ZC3H11A: variants seen among roughly 807,000 people sequenced by gnomAD.
ZC3H11A encodes the protein zinc finger CCCH domain-containing protein 11A.
Under a neutral mutation model 90.8 loss-of-function variants are expected in ZC3H11A, and 22 were observed. The ratio of observed to expected loss-of-function variants is 0.24; its 90% CI spans 0.17 to 0.35. ZC3H11A has a LOEUF of 0.35. Among genes scored for constraint, ZC3H11A ranks in the 10% least tolerant of loss-of-function variants. The pLI is 1.00. For missense variants in ZC3H11A, 701 were observed against 964.9 expected (o/e 0.73, Z 3.62); for synonymous variants, 294 against 339.8 (o/e 0.87, Z 1.48).
chr1:203,832,451 C>T (rs545192017), intron 9 of ZC3H11A, among the ~76,000 whole-genome samples: 2 of 152,164 alleles, frequency 1.3e-5, no homozygotes, highest in East Asian at 1.9e-4. Flanking sequence ...ACCTCCGCCT[C>T]CCAGGTTCAA....
At chr1:203,809,375 C>T (rs1274839102) in intron 2 of ZC3H11A, among the ~76,000 whole-genome samples, 1 of 151,488 alleles carries the variant, frequency 6.6e-6, no homozygotes, top group Non-Finnish European at 1.5e-5. Context: ...CGGTGTTTCA[C>T]CATATTGGCC....
chr1:203,799,247 T>C, intron 1 of ZC3H11A: 2 of 828,954 alleles, frequency 2.4e-6, no homozygotes, highest in Admixed American at 2.0e-5. Flanking sequence ...CAATCAAAGA[T>C]GGTGGTTTTA....
At chr1:203,798,924 A>T (rs1236947897) in intron 1 of ZC3H11A, 7 of 1,535,868 alleles carry the variant, frequency 4.6e-6, no homozygotes, top group Non-Finnish European at 6.1e-6. Flanking sequence ...CAGAGAAAAA[A>T]TTTTCTTAAC....
intron 2 of ZC3H11A, chr1:203,806,134 T>C (rs1672257145): frequency 5.9e-6 from 3 of 505,300 alleles, no homozygotes; most frequent in South Asian, 4.5e-5. Flanking sequence ...CTGGTCCTTA[T>C]ACTTCACTAG....
At chr1:203,799,849 A>C (rs762909470) in intron 1 of ZC3H11A, 1 of 1,530,696 alleles carries the variant, frequency 6.5e-7, no homozygotes, top group South Asian at 1.2e-5. Flanking sequence ...TGCTTTAAAA[A>C]CAGTTTGGAA....
intron 12 of ZC3H11A, among the ~76,000 whole-genome samples, chr1:203,846,115 C>CAA (rs34793133): frequency 0.033 from 1,738 of 53,070 alleles, 48 homozygotes; most frequent in African/African-American, 0.11. Context: ...TCGTCTTTAC[C>CAA]AAAAAAAAAA....
In ZC3H11A at chr1:203,833,800, C is replaced by G. The variant is rs1467208575; in HGVS notation, c.821C>G (p.Pro274Arg). 1.9e-6 allele frequency: 3 copies of G among 1,605,770 alleles called. No individual in the cohort carries two copies. The highest frequency in any genetic ancestry group is 2.2e-5 in the South Asian group (2 of 89,274). Residue 274 changes from proline to arginine, a missense_variant, in exon 10 of 18, where the codon CCC becomes CGC. Pro to Arg is a moderately radical substitution (Grantham distance 103, BLOSUM62 -2). Transcript: ENST00000367210. ...VTLSTKQGEE[P>R]LVRLSLTERL... is the part of the protein sequence containing the mutation. ...GCTTTTGCCATTTCAGGAGAAGAAC[C>G]CTTGGTTAGATTGAGTCTTACTGAG...
Position 203,844,181 on chromosome 1 carries a change from T to G in ZC3H11A, c.1043-3003T>G, listed in dbSNP as rs571799748. 1.8e-4 allele frequency among the ~76,000 whole-genome samples: 27 copies of G among 150,230 alleles called. No homozygotes were observed. In the East Asian group the frequency reaches 5.4e-3, roughly 30 times the overall value. On this transcript the variant is annotated intron_variant, in intron 12 of 17. Coordinates refer to ENST00000367210, the MANE Select transcript of ZC3H11A (RefSeq NM_001376342.1). ...TTTATTTTTTATTTTTATTTTTGTT[T>G]GAGACAGAGTCTCACTCTCATCCAG...
In ZC3H11A at chr1:203,852,621, T is replaced by G; in HGVS notation, c.*222T>G. The G allele has an allele frequency of 1.8e-6, 1 of 563,256 alleles. No individual in the cohort carries two copies. The allele number at this position is 563,256 out of a possible 1,614,324, so 34.9% of individuals were successfully genotyped here. Reference sequence around the variant, plus strand: ...CCATTTGATGCCATTGTTTATCATCTTTTGAGAAAAAAGTTCTGTCATACC... The same window carrying G: ...CCATTTGATGCCATTGTTTATCATCGTTTGAGAAAAAAGTTCTGTCATACC... On this transcript the variant is annotated 3_prime_UTR_variant, in exon 18 of 18. Transcript: ENST00000367210.
At chr1:203,846,160 TGG>T (rs35704322) in intron 12 of ZC3H11A, among the ~76,000 whole-genome samples, 1 of 131,966 alleles carries the variant, frequency 7.6e-6, no homozygotes, top group Admixed American at 7.6e-5. Flanking sequence ...ATAATTTTTT[TGG>T]GGGGGGGGTT....
At chr1:203,808,149 T>C (rs557541793) in intron 2 of ZC3H11A, among the ~76,000 whole-genome samples, 1 of 152,342 alleles carries the variant, frequency 6.6e-6, no homozygotes, top group African/African-American at 2.4e-5. Flanking sequence ...ATAGGTGATA[T>C]ACTTTTTGAG....
At chr1:203,822,095 T>G (rs1243548837) in intron 4 of ZC3H11A, among the ~76,000 whole-genome samples, 1 of 152,170 alleles carries the variant, frequency 6.6e-6, no homozygotes, top group African/African-American at 2.4e-5. Flanking sequence ...TTACAAATTA[T>G]GAGTTCATAT....
chr1:203,805,524 G>A, intron 2 of ZC3H11A: 2 of 505,768 alleles, frequency 4.0e-6, no homozygotes, highest in Non-Finnish European at 7.9e-6. Context: ...TTCCTTCAAA[G>A]AAAGGACAGA....
intron 4 of ZC3H11A, among the ~76,000 whole-genome samples, chr1:203,826,986 C>G (rs1302855462): frequency 1.3e-5 from 2 of 152,194 alleles, no homozygotes; most frequent in Admixed American, 6.5e-5. Context: ...ATCCCCAAAG[C>G]TGATCAGCAT....
intron 2 of ZC3H11A, among the ~76,000 whole-genome samples, chr1:203,810,673 A>T (rs1479328185): frequency 6.6e-6 from 1 of 150,850 alleles, no homozygotes; most frequent in African/African-American, 2.4e-5. Context: ...CCCGCCTCGG[A>T]CTCCCAAAAT....
chr1:203,804,674 CTT>C (rs35042121), intron 2 of ZC3H11A, among the ~76,000 whole-genome samples: 29 of 137,590 alleles, frequency 2.1e-4, no homozygotes, highest in Non-Finnish European at 2.2e-4. Flanking sequence ...TTTGCCTCAT[CTT>C]TTTTTTTTTT....
chr1:203,797,538 C>CT (rs1239004722), intron 1 of ZC3H11A: 11 of 1,520,868 alleles, frequency 7.2e-6, no homozygotes, highest in Non-Finnish European at 9.6e-6. Flanking sequence ...TGTATGTACT[C>CT]TAAGTGTACC....
Position 203,850,006 on chromosome 1 carries a change from C to A in ZC3H11A, c.1919C>A (p.Thr640Asn), listed in dbSNP as rs11240604. Residue 640 changes from threonine (T) to asparagine (N), a missense_variant, in exon 15 of 18, where the codon ACC becomes AAC. Thr to Asn is a moderately conservative substitution (Grantham distance 65, BLOSUM62 0). This residue lies in a region of ZC3H11A where 530 missense variants were observed against 696.2 expected (regional missense o/e 0.76). Transcript: ENST00000367210. ...SLLNVKCAAQ[T>N]LEKRGKAKPK... Reference sequence around the variant, plus strand: ...TTGAATGTGAAATGTGCAGCACAGACCTTGGAAAAAAGGGGTAAAGGCAAG... The same window carrying A: ...TTGAATGTGAAATGTGCAGCACAGAACTTGGAAAAAAGGGGTAAAGGCAAG... The A allele has an allele frequency of 2.9e-4, 475 of 1,613,094 alleles. 3 individuals carry two copies. In the African/African-American group the frequency reaches 5.5e-3, roughly 19 times the overall value.
rs954813808 is a variant in ZC3H11A at position 203,797,700 on chromosome 1, G to A, written c.-1588+1906G>A. On this transcript the variant is annotated intron_variant, in intron 1 of 17. Transcript: ENST00000367210. ...AGTGAATAAAGAGGCAAAACAGCCT[G>A]CTAAAAAGAAAAGAAAGAAGGGTTT... 1.2e-5 allele frequency: 19 copies of A among 1,534,758 alleles called. 1 individual carries two copies. Among genetic ancestry groups the A allele is most frequent in the Non-Finnish European group, 1.6e-5 (18 of 1,146,686 alleles).
Sources: gnomAD v4.1 joint callset for allele counts (sites outside exome capture counted in the v4.1 genomes callset) on GRCh38, gnomAD v4.1.1 for gene constraint, gnomAD v4.1.1 regional missense constraint, MANE v1.5 for transcripts, NCBI Gene and HGNC (gene_info 2026-07-23, HGNC 2026-07-21) for gene names.